Variants in SORCS3 observed in about 807,000 individuals in gnomAD.
SORCS3 encodes sortilin related VPS10 domain containing receptor 3.
Under a neutral mutation model 146.3 loss-of-function variants are expected in SORCS3, and 57 were observed. The ratio of observed to expected loss-of-function variants is 0.39; its 90% CI spans 0.31 to 0.49. The LOEUF (loss-of-function observed/expected upper bound fraction) is 0.49, where lower values mean the gene tolerates loss of function less well. Ranked by LOEUF, SORCS3 falls within the 20% of genes least tolerant of loss-of-function variation. The pLI is 0.92. For synonymous variants in SORCS3, 653 were observed against 618.5 expected (o/e 1.06, Z -0.83); for missense variants, 1,341 against 1,575.5 (o/e 0.85, Z 2.52).
At chr10:105,154,150 C>T (rs1322525954) in intron 9 of SORCS3, among the ~76,000 whole-genome samples, 1 of 151,182 alleles carries the variant, frequency 6.6e-6, no homozygotes, top group Non-Finnish European at 1.5e-5. Flanking sequence ...TGTTTCCTTG[C>T]CTTTCCTCTC....
intron 2 of SORCS3, among the ~76,000 whole-genome samples, chr10:104,912,988 G>A (rs944707845): frequency 6.6e-6 from 1 of 152,144 alleles, no homozygotes; most frequent in African/African-American, 2.4e-5. Flanking sequence ...GAGATGATGC[G>A]TACAGCAGCG....
intron 5 of SORCS3, among the ~76,000 whole-genome samples, chr10:105,088,662 A>G (rs990599089): frequency 6.6e-6 from 1 of 152,200 alleles, no homozygotes; most frequent in Non-Finnish European, 1.5e-5. Flanking sequence ...CGCAACATAG[A>G]TGTCAGCACT....
At chr10:104,696,120 AAT>A (rs1219501472) in intron 1 of SORCS3, among the ~76,000 whole-genome samples, 8,409 of 117,162 alleles carry the variant, frequency 0.072, 2,596 homozygotes, top group Non-Finnish European at 0.095. Context: ...TATTATATAT[AAT>A]ATATATCATA....
chr10:104,745,878 A>G (rs2016902983), intron 1 of SORCS3, among the ~76,000 whole-genome samples: 1 of 152,126 alleles, frequency 6.6e-6, no homozygotes, highest in East Asian at 1.9e-4. Context: ...AATGTCCTCC[A>G]GGTTCTTGTA....
intron 3 of SORCS3, among the ~76,000 whole-genome samples, chr10:104,958,188 A>G (rs1262343940): frequency 3.3e-5 from 5 of 152,154 alleles, no homozygotes; most frequent in African/African-American, 4.8e-5. Flanking sequence ...GTACAGCAAG[A>G]AGAATAAAAC....
chr10:104,869,986 C>T (rs115697197), intron 2 of SORCS3, among the ~76,000 whole-genome samples: 248 of 152,262 alleles, frequency 1.6e-3, no homozygotes, highest in African/African-American at 5.9e-3. Flanking sequence ...TAGAGTCGCT[C>T]TGAGGAGTAA....
chr10:104,818,364 C>CCTTCCTTT (rs1491359673), intron 1 of SORCS3, among the ~76,000 whole-genome samples: 3 of 67,564 alleles, frequency 4.4e-5, no homozygotes, highest in African/African-American at 1.5e-4. Context: ...CTCCTTTCTT[C>CCTTCCTTT]CTTCCTTCCT....
At chr10:105,009,716 T>G (rs189756661) in intron 4 of SORCS3, among the ~76,000 whole-genome samples, 1 of 152,016 alleles carries the variant, frequency 6.6e-6, no homozygotes, top group African/African-American at 2.4e-5. Flanking sequence ...TTCAAATTTT[T>G]CAATAATTTT....
chr10:105,063,426 T>C (rs911251335), intron 5 of SORCS3, among the ~76,000 whole-genome samples: 2 of 152,144 alleles, frequency 1.3e-5, no homozygotes, highest in African/African-American at 4.8e-5. Context: ...ACTGTATCTG[T>C]TGTGCTGATG....
intron 2 of SORCS3, among the ~76,000 whole-genome samples, chr10:104,864,389 C>A (rs1471510501): frequency 6.6e-6 from 1 of 152,180 alleles, no homozygotes; most frequent in Non-Finnish European, 1.5e-5. Flanking sequence ...GGGCCCCATC[C>A]AGCCTTAGGC....
chr10:104,875,933 ATGGC>A (rs1443196187), intron 2 of SORCS3, among the ~76,000 whole-genome samples: 17 of 152,294 alleles, frequency 1.1e-4, no homozygotes, highest in Middle Eastern at 3.4e-3. Flanking sequence ...CAAAAGGAAA[ATGGC>A]TGTTTTTAAA....
chr10:105,145,983 G>A (rs1386890285), intron 8 of SORCS3, among the ~76,000 whole-genome samples: 2 of 152,000 alleles, frequency 1.3e-5, no homozygotes, highest in Admixed American at 6.6e-5. Flanking sequence ...TACTTGAAAC[G>A]GTTTCTAGGA....
Position 104,769,539 on chromosome 10 carries a change from A to G in SORCS3, c.628-73253A>G, listed in dbSNP as rs141190796. 6.6e-5 allele frequency among the ~76,000 whole-genome samples: 10 copies of G among 152,300 alleles called. No individual in the cohort carries two copies. The East Asian group carries it at 1.9e-3, about 29-fold the overall frequency. ...TTGGGACCCAGGTGTAAGATTCAGC[A>G]TCTGATGGAAGAAGCTGGCAAGCAT... On this transcript the variant is annotated intron_variant, in intron 1 of 26. Transcript: ENST00000369701.
intron 1 of SORCS3, among the ~76,000 whole-genome samples, chr10:104,680,067 G>A (rs2015953304): frequency 6.6e-6 from 1 of 152,192 alleles, no homozygotes; most frequent in African/African-American, 2.4e-5. Context: ...TAAAACATCT[G>A]GACCGGCTGG....
At chr10:104,786,260 C>CAAAA (rs71482438) in intron 1 of SORCS3, among the ~76,000 whole-genome samples, 2 of 110,686 alleles carry the variant, frequency 1.8e-5, no homozygotes, top group African/African-American at 3.4e-5. Context: ...AATTGGAAGC[C>CAAAA]AAAAAAAAAA....
chr10:105,001,632 G>A (rs1480855663), intron 4 of SORCS3, among the ~76,000 whole-genome samples: 1 of 152,298 alleles, frequency 6.6e-6, no homozygotes, highest in East Asian at 1.9e-4. Context: ...GAATATACTT[G>A]TTCTCTGGGA....
intron 7 of SORCS3, among the ~76,000 whole-genome samples, chr10:105,132,921 C>T (rs940007042): frequency 6.6e-6 from 1 of 152,182 alleles, no homozygotes; most frequent in African/African-American, 2.4e-5. Flanking sequence ...TTTACAATGC[C>T]AGCAAGTTTG....
intron 2 of SORCS3, among the ~76,000 whole-genome samples, chr10:104,870,145 G>A (rs943056845): frequency 9.8e-5 from 15 of 152,304 alleles, no homozygotes; most frequent in African/African-American, 2.2e-4. Context: ...TCTTAGGATG[G>A]TGCACATTTT....
At position 105,098,568 on chromosome 10, in the gene SORCS3, C is replaced by A. The variant is rs542492409; in HGVS notation, c.1094-6829C>A. Among the ~76,000 whole-genome samples, 45 of 152,256 alleles carry A rather than the reference C, an allele frequency of 3.0e-4. No homozygotes were observed. The South Asian group carries it at 3.5e-3, about 12-fold the overall frequency. On this transcript the variant is annotated intron_variant, in intron 6 of 26. Transcript: ENST00000369701. ...AATCACCTGGGTTCAAATTCTAGCTCCGTCACTTCCTAGAGCTGTGGAACT... is the reference window on the plus strand; with the variant it reads ...AATCACCTGGGTTCAAATTCTAGCTACGTCACTTCCTAGAGCTGTGGAACT...
Sources: gnomAD v4.1 joint callset for allele counts (sites outside exome capture counted in the v4.1 genomes callset) on GRCh38, gnomAD v4.1.1 for gene constraint, MANE v1.5 for transcripts, NCBI Gene and HGNC (gene_info 2026-07-23, HGNC 2026-07-21) for gene names.